EGFR: variants seen among roughly 807,000 people sequenced by gnomAD.
EGFR encodes avian erythroblastic leukemia viral (v-erb-b) oncogene homolog.
In EGFR, 58 loss-of-function variants were observed where a neutral mutation model predicts 143.0. The observed-to-expected ratio is 0.41, with a 90% CI of 0.33 to 0.50. EGFR has a LOEUF of 0.50. Ranked by LOEUF, EGFR falls within the 20% of genes least tolerant of loss-of-function variation. The pLI, the probability that EGFR is intolerant of heterozygous loss-of-function variation, is 0.39. For synonymous variants in EGFR, 613 were observed against 594.4 expected (o/e 1.03, Z -0.45); for missense variants, 1,307 against 1,579.0 (o/e 0.83, Z 2.92).
intron 1 of EGFR, among the ~76,000 whole-genome samples, chr7:55,052,522 C>T (rs896636604): frequency 2.0e-5 from 3 of 152,206 alleles, no homozygotes; most frequent in African/African-American, 7.2e-5. Flanking sequence ...CATGAGTGAG[C>T]CCCTGCCCGT....
chr7:55,023,415 C>T (rs1365474428), intron 1 of EGFR, among the ~76,000 whole-genome samples: 4 of 151,908 alleles, frequency 2.6e-5, no homozygotes, highest in African/African-American at 9.7e-5. Context: ...GTTGGGAGGC[C>T]GAGGCAGGCG....
intron 1 of EGFR, among the ~76,000 whole-genome samples, chr7:55,110,462 A>G (rs1375338039): frequency 6.6e-6 from 1 of 152,226 alleles, no homozygotes; most frequent in Non-Finnish European, 1.5e-5. Context: ...ACACTGGGAA[A>G]GGCGGACAGA....
intron 1 of EGFR, among the ~76,000 whole-genome samples, chr7:55,099,451 T>C (rs1409129313): frequency 6.6e-6 from 1 of 152,234 alleles, no homozygotes; most frequent in Non-Finnish European, 1.5e-5. Flanking sequence ...ATGAGGACAA[T>C]GTCCTTGTCT....
intron 1 of EGFR, among the ~76,000 whole-genome samples, chr7:55,038,318 G>A (rs1205546470): frequency 6.6e-6 from 1 of 152,182 alleles, no homozygotes; most frequent in Non-Finnish European, 1.5e-5. Flanking sequence ...CAAATGATGT[G>A]TGAGGAAACT....
rs758314765 is a variant in EGFR, at chr7:55,202,522, A to C, written c.3168A>C (p.Gln1056His). The change falls in exon 27 of 28, where the codon CAA becomes CAC. Residue 1056 changes from glutamine to histidine, a missense_variant. Gln to His is a conservative substitution (Grantham distance 24). Around this residue, in one of 7 missense-constraint regions of EGFR, gnomAD observed 313 missense variants for 312.3 expected, o/e 1.00. Transcript: ENST00000275493. Reference sequence around the variant, plus strand: ...TCCCTCATTTCCTCCTGCAGCTGCAAAGCTGTCCCATCAAGGAAGACAGCT... The same window carrying C: ...TCCCTCATTTCCTCCTGCAGCTGCACAGCTGTCCCATCAAGGAAGACAGCT... ...TVACIDRNGL[Q>H]SCPIKEDSFL... 3.1e-5 allele frequency: 50 copies of C among 1,607,256 alleles called. No individual in the cohort carries two copies. The highest frequency in any genetic ancestry group is 3.9e-5 in the Non-Finnish European group (46 of 1,176,926).
At chr7:55,077,080 G>T (rs1424948628) in intron 1 of EGFR, among the ~76,000 whole-genome samples, 1 of 152,000 alleles carries the variant, frequency 6.6e-6, no homozygotes, top group Non-Finnish European at 1.5e-5. Context: ...TGTACTAATG[G>T]ATGAGTTGGT....
intron 1 of EGFR, among the ~76,000 whole-genome samples, chr7:55,098,234 A>C (rs1791592532): frequency 6.6e-6 from 1 of 152,186 alleles, no homozygotes; most frequent in Non-Finnish European, 1.5e-5. Flanking sequence ...GATTTTTTCA[A>C]AACCTAAATA....
intron 20 of EGFR, chr7:55,181,869 C>G: frequency 3.1e-6 from 1 of 327,156 alleles, no homozygotes; most frequent in Non-Finnish European, 5.9e-6. Flanking sequence ...CCAGGAGGAC[C>G]CAGGTGATAG....
intron 4 of EGFR, among the ~76,000 whole-genome samples, chr7:55,150,793 T>C (rs17336514): frequency 1.0e-3 from 153 of 152,350 alleles, no homozygotes; most frequent in East Asian, 2.5e-3. Flanking sequence ...TTTCACCCTC[T>C]GTGCACCATT....
In EGFR at chr7:55,207,132, T is replaced by A. The variant is rs1788127638; in HGVS notation, c.*1515T>A. On this transcript the variant is annotated 3_prime_UTR_variant, in exon 28 of 28. Transcript: ENST00000275493. ...GTGTTTTAAACTCTCCTAGTCAATA[T>A]CCACCCCATCCAATTTATCAAGGAA... The A allele has an allele frequency of 4.3e-6, 1 of 232,762 alleles. No homozygotes were observed. The highest frequency in any genetic ancestry group is 8.5e-6 in the Non-Finnish European group (1 of 117,788). 14.4% of individuals were successfully genotyped at this position (232,762 alleles called of 1,614,324 possible).
At chr7:55,094,370 G>A (rs577761041) in intron 1 of EGFR, among the ~76,000 whole-genome samples, 3 of 152,200 alleles carry the variant, frequency 2.0e-5, no homozygotes, top group Non-Finnish European at 4.4e-5. Context: ...GGGCAGGGGG[G>A]GCCTCACTGT....
intron 1 of EGFR, among the ~76,000 whole-genome samples, chr7:55,073,898 G>T (rs1405664120): frequency 3.3e-5 from 5 of 152,292 alleles, no homozygotes; most frequent in African/African-American, 1.2e-4. Flanking sequence ...TCCTCTACAA[G>T]AAACACATTT....
At chr7:55,123,243 C>A (rs989745655) in intron 1 of EGFR, among the ~76,000 whole-genome samples, 1 of 152,122 alleles carries the variant, frequency 6.6e-6, no homozygotes, top group Non-Finnish European at 1.5e-5. Context: ...CAACATAGTA[C>A]GTTTCAGATT....
intron 1 of EGFR, among the ~76,000 whole-genome samples, chr7:55,059,975 A>T (rs1427701674): frequency 1.3e-5 from 2 of 152,172 alleles, no homozygotes; most frequent in East Asian, 3.9e-4. Flanking sequence ...GGAAGAACTG[A>T]AGGCAGAGAG....
chr7:55,158,576 A>G (rs1193117334), intron 11 of EGFR, among the ~76,000 whole-genome samples: 12 of 152,352 alleles, frequency 7.9e-5, no homozygotes, highest in Non-Finnish European at 1.5e-4. Context: ...TTTGACCAAG[A>G]TTCTTATAAA....
rs771888227 is a variant in EGFR at position 55,200,409 on chromosome 7, T to C, written c.2942T>C (p.Ile981Thr). ...MARDPQRYLV[I>T]QGDERMHLPS... ...CGAGACCCCCAGCGCTACCTTGTCA[T>C]TCAGGTACAAATTGCAGTCTGTGCT... Residue 981 changes from isoleucine to threonine, a missense_variant, in exon 24 of 28, where the codon ATT becomes ACT. Ile to Thr is a moderately conservative substitution (Grantham distance 89, BLOSUM62 -1). Coordinates refer to ENST00000275493, the MANE Select transcript of EGFR (RefSeq NM_005228.5). The C allele has an allele frequency of 1.2e-6, 2 of 1,613,914 alleles. No homozygotes were observed. Among genetic ancestry groups the C allele is most frequent in the Non-Finnish European group, 1.7e-6 (2 of 1,179,818 alleles).
intron 1 of EGFR, among the ~76,000 whole-genome samples, chr7:55,104,336 G>C (rs1485843409): frequency 2.6e-5 from 4 of 152,180 alleles, no homozygotes; most frequent in Non-Finnish European, 5.9e-5. Flanking sequence ...TCCTCCGTAG[G>C]CTCCCAACTC....
At position 55,204,177 on chromosome 7, in the gene EGFR, A is replaced by T. The variant is rs1300309158; in HGVS notation, c.3272-1079A>T. ...CAACTACACACACACATACACACAG[A>T]CACACACGACACACACCATACACAT... On this transcript the variant is annotated intron_variant, in intron 27 of 27. Coordinates refer to ENST00000275493, the MANE Select transcript of EGFR (RefSeq NM_005228.5). Among the ~76,000 whole-genome samples, 3 of 150,632 alleles carry T rather than the reference A, an allele frequency of 2.0e-5. No individual in the cohort carries two copies. The East Asian group carries it at 5.9e-4, about 30-fold the overall frequency.
chr7:55,108,330 G>T (rs1792261939), intron 1 of EGFR, among the ~76,000 whole-genome samples: 1 of 152,318 alleles, frequency 6.6e-6, no homozygotes, highest in East Asian at 1.9e-4. Context: ...GTATCACTCC[G>T]CCAGAGCTGC....
Sources: allele counts gnomAD v4.1 joint callset (sites outside exome capture counted in the v4.1 genomes callset), GRCh38; gene constraint gnomAD v4.1.1; regional missense constraint gnomAD v4.1.1; transcripts MANE v1.5; gene names NCBI Gene and HGNC (gene_info 2026-07-23, HGNC 2026-07-21).